The following IPO11 variants were observed in gnomAD, a reference collection of about 807,000 sequenced individuals.
The protein encoded by IPO11 is importin-11.
Under a neutral mutation model 143.2 loss-of-function variants are expected in IPO11, and 66 were observed. The observed-to-expected ratio is 0.46, with a 90% confidence interval of 0.38 to 0.57. IPO11 has a LOEUF of 0.57. Among genes scored for constraint, IPO11 ranks in the 20% least tolerant of loss-of-function variants. The pLI is 0.00. For missense variants in IPO11, 1,026 were observed against 1,141.0 expected, an observed-to-expected ratio of 0.90 and a Z score of 1.45; for synonymous variants, 385 against 377.8, an observed-to-expected ratio of 1.02 and a Z score of -0.22.
At chr5:62,568,015 A>T (rs1040240474) in intron 27 of IPO11, among the ~76,000 whole-genome samples, 4 of 151,724 alleles carry the variant, frequency 2.6e-5, no homozygotes, top group African/African-American at 9.7e-5. Context: ...GCCCAGGCTG[A>T]AGTGCAGTGG....
chr5:62,459,389 A>AAAATAAAT (rs70981011), intron 5 of IPO11, among the ~76,000 whole-genome samples: 75 of 151,704 alleles, frequency 4.9e-4, no homozygotes, highest in African/African-American at 1.5e-3. Context: ...CTCTGTCTCA[A>AAAATAAAT]AAATAAATAA....
At chr5:62,438,995 C>G (rs1744343661) in intron 2 of IPO11, among the ~76,000 whole-genome samples, 1 of 149,182 alleles carries the variant, frequency 6.7e-6, no homozygotes, top group Non-Finnish European at 1.5e-5. Flanking sequence ...GGAAGCAGAG[C>G]TTGCAGTGAG....
At chr5:62,519,720 C>T (rs775168200) in intron 20 of IPO11, among the ~76,000 whole-genome samples, 1 of 152,170 alleles carries the variant, frequency 6.6e-6, no homozygotes, top group Non-Finnish European at 1.5e-5. Flanking sequence ...GCTCATAGTT[C>T]TGTAAGTCAG....
At chr5:62,558,794 G>A (rs1743664915) in intron 26 of IPO11, among the ~76,000 whole-genome samples, 1 of 152,074 alleles carries the variant, frequency 6.6e-6, no homozygotes, top group Admixed American at 6.6e-5. Flanking sequence ...ATATTAAAAT[G>A]AGAGTATTAT....
intron 26 of IPO11, among the ~76,000 whole-genome samples, chr5:62,558,463 T>G (rs1743652804): frequency 6.6e-6 from 1 of 152,240 alleles, no homozygotes; most frequent in Admixed American, 6.5e-5. Context: ...GGCTTGCTAT[T>G]GCTAGTAACA....
chr5:62,519,146 G>T (rs1182551061), intron 20 of IPO11, among the ~76,000 whole-genome samples: 2 of 152,172 alleles, frequency 1.3e-5, no homozygotes, highest in African/African-American at 2.4e-5. Context: ...TATTTAGATG[G>T]TGGTTTAGCA....
intron 9 of IPO11, 57 bp downstream of exon 9, chr5:62,476,810 A>G: frequency 7.1e-7 from 1 of 1,410,738 alleles, no homozygotes; most frequent in Non-Finnish European, 9.5e-7. Flanking sequence ...AGATTTACAA[A>G]GGAAAATGAT....
intron 2 of IPO11, among the ~76,000 whole-genome samples, chr5:62,442,714 A>T (rs970630327): frequency 4.6e-5 from 7 of 152,078 alleles, no homozygotes; most frequent in African/African-American, 1.7e-4. Flanking sequence ...AATACAAAAA[A>T]TTAGCTGGGC....
At chr5:62,583,253 T>A (rs1055093333) in intron 27 of IPO11, among the ~76,000 whole-genome samples, 17 of 152,104 alleles carry the variant, frequency 1.1e-4, no homozygotes, top group African/African-American at 4.1e-4. Flanking sequence ...TGGGAAAAAA[T>A]TTAAACAGTG....
chr5:62,438,580 C>G (rs1744323533), intron 2 of IPO11, among the ~76,000 whole-genome samples: 2 of 151,092 alleles, frequency 1.3e-5, no homozygotes, highest in Admixed American at 6.6e-5. Flanking sequence ...TGCTGAAACC[C>G]CATCTCTACT....
At chr5:62,564,717 ACATTGC>A (rs771886503) in intron 27 of IPO11, among the ~76,000 whole-genome samples, 1 of 152,142 alleles carries the variant, frequency 6.6e-6, no homozygotes, top group Middle Eastern at 3.2e-3. Context: ...ATATCATCAG[ACATTGC>A]CATTAGATAT....
intron 9 of IPO11, among the ~76,000 whole-genome samples, chr5:62,480,659 T>G (rs1247692567): frequency 6.6e-6 from 1 of 152,216 alleles, no homozygotes; most frequent in Non-Finnish European, 1.5e-5. Flanking sequence ...TTCACATGCC[T>G]TGTAAGTTGG....
chr5:62,513,422 C>T (rs918311148), intron 19 of IPO11, among the ~76,000 whole-genome samples: 1 of 141,532 alleles, frequency 7.1e-6, no homozygotes, highest in Non-Finnish European at 1.6e-5. Flanking sequence ...TGACCCCCCC[C>T]CCACCTCCCT....
intron 29 of IPO11, among the ~76,000 whole-genome samples, chr5:62,611,200 A>G (rs1038370380): frequency 6.6e-6 from 1 of 152,188 alleles, no homozygotes; most frequent in African/African-American, 2.4e-5. Flanking sequence ...AGTATTAGAA[A>G]TACACTGTGG....
chr5:62,508,383 A>G (rs1159619039), intron 19 of IPO11, among the ~76,000 whole-genome samples: 4 of 151,364 alleles, frequency 2.6e-5, no homozygotes, highest in Non-Finnish European at 5.9e-5. Context: ...CCTGGGCTCA[A>G]GGGATCCACC....
chr5:62,430,279 C>T (rs1743933110), intron 1 of IPO11, among the ~76,000 whole-genome samples: 1 of 152,188 alleles, frequency 6.6e-6, no homozygotes, highest in Admixed American at 6.5e-5. Context: ...CGCTGTTTTA[C>T]ATTTGCACCA....
At position 62,545,783 on chromosome 5, in the gene IPO11, T is replaced by C. The variant is rs1430404711; in HGVS notation, c.2251-4584T>C. Among the ~76,000 whole-genome samples the C allele has an allele frequency of 3.3e-5, 5 of 151,924 alleles. 1 individual carries two copies. The South Asian group carries it at 8.3e-4, about 25-fold the overall frequency. ...AAAAACAACCCCATCAAAAAGTGGG[T>C]GAAGGATATGAACAGACACTTCTCA... On this transcript the variant is annotated intron_variant, in intron 24 of 29. Coordinates refer to ENST00000325324, the MANE Select transcript of IPO11 (RefSeq NM_016338.5).
chr5:62,513,521 G>A (rs1436438727), intron 19 of IPO11, among the ~76,000 whole-genome samples: 1 of 143,472 alleles, frequency 7.0e-6, no homozygotes, highest in Non-Finnish European at 1.6e-5. Flanking sequence ...CCCGGACGGG[G>A]CGGCTGGCCG....
chr5:62,617,757 T>G (rs890919557), intron 29 of IPO11, among the ~76,000 whole-genome samples: 7 of 152,128 alleles, frequency 4.6e-5, no homozygotes, highest in African/African-American at 1.7e-4. Flanking sequence ...TTATAAAACA[T>G]GTAAGAAATT....
Sources: gnomAD v4.1 joint callset for allele counts (sites outside exome capture counted in the v4.1 genomes callset) on GRCh38, gnomAD v4.1.1 for gene constraint, MANE v1.5 for transcripts, NCBI Gene and HGNC (gene_info 2026-07-23, HGNC 2026-07-21) for gene names.